The following GALC variants were observed in gnomAD, a reference collection of about 807,000 sequenced individuals.
The protein encoded by GALC is galactosylceramidase, also known as galactocerebrosidase.
In GALC, 77 loss-of-function variants were observed where a neutral mutation model predicts 91.8. The ratio of observed to expected loss-of-function variants is 0.84; its 90% CI spans 0.70 to 1.01. The LOEUF (loss-of-function observed/expected upper bound fraction) is 1.01. Ranked by LOEUF, GALC falls within the 50% of genes least tolerant of loss-of-function variation. The pLI is 0.00. For synonymous variants in GALC, 357 were observed against 306.7 expected (o/e 1.16, Z -1.71); for missense variants, 882 against 855.9 (o/e 1.03, Z -0.38).
chr14:87,941,201 C>T (rs1884833617), intron 15 of GALC, among the ~76,000 whole-genome samples, 194 bp downstream of exon 15: 1 of 151,870 alleles, frequency 6.6e-6, no homozygotes, highest in Non-Finnish European at 1.5e-5. Context: ...TTCCACAGAG[C>T]TGCCCCCATC....
intron 6 of GALC, 100 bp downstream of exon 6, chr14:87,982,105 G>A (rs1886773217): frequency 3.0e-6 from 2 of 662,536 alleles, no homozygotes; most frequent in Non-Finnish European, 5.3e-6. Flanking sequence ...AAAAAATACG[G>A]TATTTCCAAC....
intron 7 of GALC, among the ~76,000 whole-genome samples, chr14:87,971,134 C>T (rs755974010): frequency 1.3e-5 from 2 of 151,988 alleles, no homozygotes; most frequent in Non-Finnish European, 2.9e-5. Context: ...CCAAACTGAC[C>T]AACCAGATAA....
At chr14:87,953,212 GAATTTCTCTGTAT>G in intron 10 of GALC, 1 of 1,502,064 alleles carries the variant, frequency 6.7e-7, no homozygotes, top group Non-Finnish European at 9.2e-7. Context: ...AACTGATACG[GAATTTCTCTGTAT>G]AATTACCTCC....
Position 87,974,173 on chromosome 14 carries a change from A to C in GALC, c.752+2185T>G, listed in dbSNP as rs186821483. On this transcript the variant is annotated intron_variant, in intron 7 of 16. Transcript: ENST00000261304. ...TATAAAGATTTTCAGAGGAACTTTA[A>C]AAAAGCAAAATCTAACTCTATGCTA... Among the ~76,000 whole-genome samples the C allele has an allele frequency of 9.2e-5, 14 of 152,270 alleles. No individual in the cohort carries two copies. In the South Asian group the frequency reaches 1.9e-3, roughly 20 times the overall value.
upstream of GALC, chr14:87,993,427 A>G (rs1887329983): frequency 2.0e-6 from 3 of 1,535,830 alleles, no homozygotes; most frequent in African/African-American, 1.4e-5. Flanking sequence ...ACTTTAACGC[A>G]GGGAAGGTGG....
At chr14:87,976,625 G>GA in intron 6 of GALC, 137 bp from the exon 7 acceptor site, 1 of 770,950 alleles carries the variant, frequency 1.3e-6, no homozygotes. Context: ...TTGTTTGTTT[G>GA]TTTTTCTCAG....
rs28535340 is a variant in GALC, at chr14:87,947,124, A to G, written c.1489+604T>C. Among the ~76,000 whole-genome samples, 597 of 152,186 alleles carry G rather than the reference A, an allele frequency of 3.9e-3. 6 individuals are homozygous for G. The highest frequency in any genetic ancestry group is 0.014 in the African/African-American group (565 of 41,552). On this transcript the variant is annotated intron_variant, in intron 13 of 16. Transcript: ENST00000261304. ...ATAAACCTACAGAACACCACCAAGC[A>G]GTCAACAAATTTTGTTACTTACTCA...
intron 6 of GALC, among the ~76,000 whole-genome samples, chr14:87,979,302 C>T (rs976283556): frequency 2.0e-5 from 3 of 152,210 alleles, no homozygotes; most frequent in Non-Finnish European, 2.9e-5. Context: ...GCTGGGATTA[C>T]AGGCACGAGC....
chr14:87,944,089 C>T (rs112619583), intron 14 of GALC, among the ~76,000 whole-genome samples: 2,495 of 152,032 alleles, frequency 0.016, 72 homozygotes, highest in African/African-American at 0.057. Context: ...CCCCATCCCT[C>T]GTCCCCACCT....
intron 7 of GALC, among the ~76,000 whole-genome samples, chr14:87,975,359 A>C (rs985013545): frequency 8.5e-5 from 13 of 152,116 alleles, no homozygotes; most frequent in African/African-American, 3.1e-4. Context: ...TTTTAAATGG[A>C]TCTAGATTCA....
intron 16 of GALC, among the ~76,000 whole-genome samples, chr14:87,938,856 T>C (rs1409005409): frequency 2.6e-5 from 4 of 151,898 alleles, no homozygotes; most frequent in Admixed American, 6.6e-5. Flanking sequence ...AGAATACACA[T>C]GAAGGAAGAG....
rs1884458072 is a variant in GALC at position 87,933,840 on chromosome 14, C to T, written c.*892G>A. On this transcript the variant is annotated 3_prime_UTR_variant, in exon 17 of 17. Coordinates refer to ENST00000261304, the MANE Select transcript of GALC (RefSeq NM_000153.4). ...CTGGGAGTTAGCAAATGTCTAAGTG[C>T]TCCCCTCCTTCCACACATAAGGAGA... 4.4e-6 allele frequency: 3 copies of T among 679,158 alleles called. No homozygotes were observed. Among genetic ancestry groups the T allele is most frequent in the East Asian group, 5.5e-5 (2 of 36,400 alleles). 42.1% of individuals were successfully genotyped at this position (679,158 alleles called of 1,614,324 possible). A position where few individuals can be genotyped will look rare whatever the true frequency, so the allele number is the denominator to read the frequency against.
intron 12 of GALC, among the ~76,000 whole-genome samples, chr14:87,949,133 T>C (rs1238359489): frequency 1.3e-5 from 2 of 149,862 alleles, no homozygotes; most frequent in Non-Finnish European, 2.9e-5. Context: ...GACACTTGAA[T>C]TGAGTCTCAA....
chr14:87,977,759 T>C (rs1886562668), intron 6 of GALC, among the ~76,000 whole-genome samples: 1 of 152,250 alleles, frequency 6.6e-6, no homozygotes, highest in African/African-American at 2.4e-5. Context: ...TTCCAATTAA[T>C]GTGCTCTTTT....
In GALC at chr14:87,992,979, G is replaced by C; in HGVS notation, c.186C>G (p.Ser62Arg). 3.9e-6 allele frequency: 6 copies of C among 1,524,678 alleles called. No homozygotes were observed. Among genetic ancestry groups the C allele is most frequent in the Non-Finnish European group, 4.4e-6 (5 of 1,145,206 alleles). The allele number at this position is 1,524,678 out of a possible 1,614,324, so 94.4% of individuals were successfully genotyped here. A position where few individuals can be genotyped will look rare whatever the true frequency, so the allele number is the denominator to read the frequency against. ...GCAGCTTGCCGCTCACCCCGCCGCC[G>C]CTGACCGCGCCGATGCCGTCGAACT... ...GREFDGIGAVSGGGATSRLLV... is the reference protein window; with the variant it reads ...GREFDGIGAVRGGGATSRLLV... Residue 62 changes from serine (S) to arginine (R), a missense_variant, in exon 1 of 17, where the codon AGC becomes AGG. By Grantham distance (110) the Ser-to-Arg change is moderately radical. Transcript: ENST00000261304.
rs1885407473 is a variant in GALC, at chr14:87,953,813, G to A, written c.1162-3065C>T. On this transcript the variant is annotated intron_variant, in intron 10 of 16. Transcript: ENST00000261304. ...AAAACTGTGATTCTAAAAGCCAGAA[G>A]TATGATTGTTTAGTCATGGTGCTAT... is the stretch of plus-strand genomic sequence containing the variant. 4.4e-6 allele frequency: 7 copies of A among 1,608,050 alleles called. 1 individual carries two copies. The South Asian group carries it at 7.7e-5, about 18-fold the overall frequency.
At chr14:87,973,381 A>C (rs201336650) in intron 7 of GALC, among the ~76,000 whole-genome samples, 1 of 61,990 alleles carries the variant, frequency 1.6e-5, no homozygotes, top group Non-Finnish European at 3.5e-5. Flanking sequence ...TAATTAAATT[A>C]TATATATAAC....
intron 10 of GALC, among the ~76,000 whole-genome samples, chr14:87,956,560 CAT>C (rs557652790): frequency 1.5e-3 from 194 of 131,136 alleles, no homozygotes; most frequent in African/African-American, 3.8e-3. Flanking sequence ...ATACACGCAC[CAT>C]ATATATATAT....
intron 10 of GALC, among the ~76,000 whole-genome samples, chr14:87,956,312 A>G (rs932892283): frequency 1.4e-4 from 21 of 151,956 alleles, no homozygotes; most frequent in African/African-American, 5.1e-4. Flanking sequence ...ATACTCCAGC[A>G]AATCACTAAG....
Sources: gnomAD v4.1 joint callset for allele counts (sites outside exome capture counted in the v4.1 genomes callset) on GRCh38, gnomAD v4.1.1 for gene constraint, MANE v1.5 for transcripts, NCBI Gene and HGNC (gene_info 2026-07-23, HGNC 2026-07-21) for gene names.